The following EPHA6 variants were observed in gnomAD, a reference collection of about 807,000 sequenced individuals.
EPHA6 encodes the protein EPH receptor A6, also known as ephrin type-A receptor 6.
A neutral mutation model predicts 112.0 loss-of-function variants in EPHA6; 50 were observed. The observed-to-expected ratio is 0.45, with a 90% CI of 0.36 to 0.56. The LOEUF (loss-of-function observed/expected upper bound fraction) is 0.56. Ranked by LOEUF, EPHA6 falls within the 20% of genes least tolerant of loss-of-function variation. EPHA6 has a pLI of 0.00. For synonymous variants in EPHA6, 529 were observed against 490.7 expected (o/e 1.08, Z -1.03); for missense variants, 1,280 against 1,417.4 (o/e 0.90, Z 1.56).
chr3:97,695,902 A>G (rs2033008445), intron 14 of EPHA6, among the ~76,000 whole-genome samples: 1 of 152,206 alleles, frequency 6.6e-6, no homozygotes, highest in Admixed American at 6.5e-5. Context: ...CAGACATATC[A>G]CTAAACTTTG....
At chr3:96,971,247 C>T (rs1236705673) in intron 2 of EPHA6, among the ~76,000 whole-genome samples, 1 of 151,872 alleles carries the variant, frequency 6.6e-6, no homozygotes, top group Admixed American at 6.6e-5. Flanking sequence ...ATATTTTAAT[C>T]TTGTTAATAG....
intron 1 of EPHA6, among the ~76,000 whole-genome samples, chr3:96,850,919 G>T (rs1468450174): frequency 6.6e-6 from 1 of 151,956 alleles, no homozygotes; most frequent in African/African-American, 2.4e-5. Flanking sequence ...TAAAACAAAT[G>T]AAAATGCAAA....
chr3:97,387,109 A>T (rs903814026), intron 5 of EPHA6, among the ~76,000 whole-genome samples: 1 of 152,192 alleles, frequency 6.6e-6, no homozygotes, highest in African/African-American at 2.4e-5. Flanking sequence ...CCTGTAATGG[A>T]AGGGGCTGCC....
chr3:97,225,636 C>A (rs575112824), intron 3 of EPHA6, among the ~76,000 whole-genome samples: 2 of 152,052 alleles, frequency 1.3e-5, no homozygotes, highest in African/African-American at 4.8e-5. Context: ...AATAACCAAC[C>A]TCTTGATAGT....
At chr3:97,388,791 C>A (rs564009540) in intron 5 of EPHA6, among the ~76,000 whole-genome samples, 2 of 152,232 alleles carry the variant, frequency 1.3e-5, no homozygotes, top group South Asian at 4.1e-4. Flanking sequence ...CAAAATGAAT[C>A]TGGACAATGG....
At chr3:97,259,281 A>G (rs1179402396) in intron 5 of EPHA6, among the ~76,000 whole-genome samples, 2 of 152,196 alleles carry the variant, frequency 1.3e-5, no homozygotes, top group African/African-American at 4.8e-5. Context: ...TTCTTTAGGC[A>G]TAACAATAAG....
chr3:97,548,969 T>C (rs1406389098), intron 11 of EPHA6, among the ~76,000 whole-genome samples: 1 of 152,186 alleles, frequency 6.6e-6, no homozygotes, highest in Non-Finnish European at 1.5e-5. Flanking sequence ...CATCCTAATA[T>C]AGTGCAAAGT....
At chr3:97,026,858 T>A (rs2612281) in intron 3 of EPHA6, among the ~76,000 whole-genome samples, 24,272 of 152,092 alleles carry the variant, frequency 0.16, 3,468 homozygotes, top group African/African-American at 0.38. Flanking sequence ...AATTAGTTCA[T>A]CCATTGTGGA....
At chr3:97,447,916 A>G (rs1464564312) in intron 6 of EPHA6, 2 of 346,520 alleles carry the variant, frequency 5.8e-6, no homozygotes, top group Non-Finnish European at 8.4e-6. Flanking sequence ...TCACTATGTA[A>G]CTAGTATATG....
At chr3:97,558,592 A>T (rs2093146672) in intron 11 of EPHA6, among the ~76,000 whole-genome samples, 1 of 151,966 alleles carries the variant, frequency 6.6e-6, no homozygotes, top group African/African-American at 2.4e-5. Flanking sequence ...CTATGCATGC[A>T]TACACATGTA....
intron 3 of EPHA6, among the ~76,000 whole-genome samples, chr3:97,153,780 A>G (rs1263993934): frequency 6.6e-6 from 1 of 152,164 alleles, no homozygotes; most frequent in African/African-American, 2.4e-5. Flanking sequence ...ATGAAGCAAT[A>G]CTGCATGTGA....
chr3:97,288,744 C>T (rs1453111531), intron 5 of EPHA6, among the ~76,000 whole-genome samples: 1 of 151,710 alleles, frequency 6.6e-6, no homozygotes, highest in African/African-American at 2.4e-5. Context: ...TCTGTTGTTT[C>T]TTGACTTTTT....
chr3:97,273,950 G>C (rs953361620), intron 5 of EPHA6, among the ~76,000 whole-genome samples: 2 of 152,142 alleles, frequency 1.3e-5, no homozygotes, highest in Non-Finnish European at 2.9e-5. Context: ...GTCCTGGGCA[G>C]GGGCAAATCC....
Position 97,251,413 on chromosome 3 carries a change from C to A in EPHA6, c.1606+7126C>A, listed in dbSNP as rs1403442870. Among the ~76,000 whole-genome samples, 4 of 151,944 alleles carry A rather than the reference C, an allele frequency of 2.6e-5. No individual in the cohort carries two copies. In the East Asian group the frequency reaches 7.9e-4, roughly 30 times the overall value. ...GGCGTGGTTGCAGGCACCTGTAGTCCCAGCTACTCGGGAGGCTGAATCAGG... is the reference window on the plus strand; with the variant it reads ...GGCGTGGTTGCAGGCACCTGTAGTCACAGCTACTCGGGAGGCTGAATCAGG... On this transcript the variant is annotated intron_variant, in intron 5 of 17. Coordinates refer to ENST00000389672, the MANE Select transcript of EPHA6 (RefSeq NM_001080448.3).
chr3:97,180,647 T>C (rs1190669879), intron 3 of EPHA6, among the ~76,000 whole-genome samples: 1 of 152,082 alleles, frequency 6.6e-6, no homozygotes, highest in Non-Finnish European at 1.5e-5. Context: ...AGAAATGTCA[T>C]CTGGGAGCTA....
At chr3:97,600,771 T>A (rs924257234) in intron 12 of EPHA6, among the ~76,000 whole-genome samples, 3 of 151,870 alleles carry the variant, frequency 2.0e-5, no homozygotes, top group African/African-American at 7.3e-5. Flanking sequence ...CTGACATAAG[T>A]GAGCATCATC....
At chr3:96,923,303 A>G (rs1426140288) in intron 2 of EPHA6, among the ~76,000 whole-genome samples, 1 of 152,180 alleles carries the variant, frequency 6.6e-6, no homozygotes. Flanking sequence ...AGCATCTGCT[A>G]TTTTTAAATT....
chr3:96,989,352 A>G (rs2107852968), intron 3 of EPHA6, among the ~76,000 whole-genome samples: 1 of 152,318 alleles, frequency 6.6e-6, no homozygotes, highest in South Asian at 2.1e-4. Context: ...ATATTTTACA[A>G]AGCATGAATC....
chr3:97,631,664 T>C (rs1046165656), intron 13 of EPHA6, among the ~76,000 whole-genome samples: 4 of 152,064 alleles, frequency 2.6e-5, no homozygotes, highest in African/African-American at 9.7e-5. Context: ...AATTTGTTTA[T>C]TGTAGGTACC....
Sources: gnomAD v4.1 joint callset for allele counts (sites outside exome capture counted in the v4.1 genomes callset) on GRCh38, gnomAD v4.1.1 for gene constraint, MANE v1.5 for transcripts, NCBI Gene and HGNC (gene_info 2026-07-23, HGNC 2026-07-21) for gene names.